COL19A1: variants seen among roughly 807,000 people sequenced by gnomAD.
COL19A1 encodes the protein collagen type XIX alpha 1 chain.
In COL19A1, 159 loss-of-function variants were observed where a neutral mutation model predicts 190.2. The observed-to-expected ratio is 0.84, with a 90% CI of 0.73 to 0.95. The LOEUF is 0.95. COL19A1 is among the 40% of genes least tolerant of loss of function. The pLI is 0.00. For synonymous variants in COL19A1, 509 were observed against 458.9 expected, an observed-to-expected ratio of 1.11 and a Z score of -1.39; for missense variants, 1,418 against 1,431.9, an observed-to-expected ratio of 0.99 and a Z score of 0.16.
At chr6:70,144,630 GA>G in intron 24 of COL19A1, among the ~76,000 whole-genome samples, 1 of 152,254 alleles carries the variant, frequency 6.6e-6, no homozygotes, top group Admixed American at 6.5e-5. Flanking sequence ...AAAACATAAA[GA>G]TCGTCTATAG....
chr6:70,161,271 T>A (rs578186198), intron 34 of COL19A1, among the ~76,000 whole-genome samples: 2 of 152,300 alleles, frequency 1.3e-5, no homozygotes, highest in South Asian at 4.1e-4. Context: ...GAATGGAGCT[T>A]AAGTGTAATC....
chr6:70,064,274 C>T (rs935922626), intron 14 of COL19A1, among the ~76,000 whole-genome samples: 1 of 152,152 alleles, frequency 6.6e-6, no homozygotes, highest in African/African-American at 2.4e-5. Flanking sequence ...AAAAGCTTAT[C>T]CACCATGATC....
At chr6:70,157,451 T>C (rs940866638) in intron 34 of COL19A1, among the ~76,000 whole-genome samples, 10 of 152,166 alleles carry the variant, frequency 6.6e-5, no homozygotes, top group African/African-American at 2.4e-4. Context: ...TACTAATTCT[T>C]AATGAAAGTA....
At chr6:70,206,226 C>G (rs1767839010) in intron 49 of COL19A1, among the ~76,000 whole-genome samples, 1 of 152,170 alleles carries the variant, frequency 6.6e-6, no homozygotes, top group Admixed American at 6.5e-5. Flanking sequence ...TATACCTTGC[C>G]TTCAATCAGA....
chr6:69,937,921 C>G, intron 8 of COL19A1, 117 bp from the exon 9 acceptor site: 1 of 873,982 alleles, frequency 1.1e-6, no homozygotes, highest in African/African-American at 1.7e-5. Context: ...CTCTAAGCAT[C>G]AGCTCAGAGG....
At chr6:69,943,188 G>A (rs1315246308) in intron 9 of COL19A1, among the ~76,000 whole-genome samples, 1 of 151,978 alleles carries the variant, frequency 6.6e-6, no homozygotes, top group African/African-American at 2.4e-5. Context: ...CCATTTGTAT[G>A]TCTTCTTTTG....
intron 16 of COL19A1, among the ~76,000 whole-genome samples, chr6:70,116,813 T>G (rs945817659): frequency 6.6e-6 from 1 of 152,138 alleles, no homozygotes; most frequent in Non-Finnish European, 1.5e-5. Flanking sequence ...TTGAAGAGAG[T>G]TGGTTAGTAC....
chr6:69,954,857 T>G (rs1170991154), intron 9 of COL19A1, among the ~76,000 whole-genome samples: 1 of 152,110 alleles, frequency 6.6e-6, no homozygotes, highest in Non-Finnish European at 1.5e-5. Flanking sequence ...CCAGTAGAAG[T>G]AATTGATATG....
intron 4 of COL19A1, among the ~76,000 whole-genome samples, chr6:69,925,020 T>C (rs557077769): frequency 1.3e-5 from 2 of 152,338 alleles, no homozygotes; most frequent in Admixed American, 1.3e-4. Context: ...AAAAATTTTC[T>C]CTGATTCTGT....
Position 70,117,633 on chromosome 6 carries a change from C to G in COL19A1, c.1279-4247C>G, listed in dbSNP as rs574874087. 6.6e-5 allele frequency among the ~76,000 whole-genome samples: 10 copies of G among 152,318 alleles called. No homozygotes were observed. In the East Asian group the frequency reaches 1.9e-3, roughly 29 times the overall value. Reference sequence around the variant, plus strand: ...CTATCCACACCAGGTTTATAGGCCTCTCAGATAATTATGAATCAGTACAGT... The same window carrying G: ...CTATCCACACCAGGTTTATAGGCCTGTCAGATAATTATGAATCAGTACAGT... On this transcript the variant is annotated intron_variant, in intron 16 of 50. Transcript: ENST00000620364.
intron 14 of COL19A1, among the ~76,000 whole-genome samples, chr6:70,063,185 TC>T (rs1478539836): frequency 2.0e-5 from 3 of 152,180 alleles, no homozygotes; most frequent in Non-Finnish European, 4.4e-5. Context: ...TACATTTTTT[TC>T]AGCACCACAC....
At chr6:69,874,468 G>A (rs868080693) in intron 1 of COL19A1, among the ~76,000 whole-genome samples, 3 of 152,276 alleles carry the variant, frequency 2.0e-5, no homozygotes, top group Admixed American at 6.5e-5. Context: ...AATGTGCAGA[G>A]AGGCTGGGTG....
At chr6:70,058,474 TG>T (rs1274123921) in intron 14 of COL19A1, among the ~76,000 whole-genome samples, 1 of 152,074 alleles carries the variant, frequency 6.6e-6, no homozygotes, top group Non-Finnish European at 1.5e-5. Flanking sequence ...CTCTTATCAG[TG>T]CTTCCGGGGA....
At chr6:69,928,779 AC>A (rs1020495141) in intron 5 of COL19A1, among the ~76,000 whole-genome samples, 2 of 152,094 alleles carry the variant, frequency 1.3e-5, no homozygotes, top group Non-Finnish European at 2.9e-5. Flanking sequence ...GGGGAGAGGA[AC>A]CTCAAAATTA....
intron 15 of COL19A1, among the ~76,000 whole-genome samples, chr6:70,095,257 CAT>C (rs1783178621): frequency 6.6e-6 from 1 of 152,090 alleles, no homozygotes; most frequent in Admixed American, 6.6e-5. Flanking sequence ...GAATAAACCA[CAT>C]TTTTTTTATT....
intron 15 of COL19A1, among the ~76,000 whole-genome samples, chr6:70,097,198 C>T (rs1282038279): frequency 6.6e-6 from 1 of 152,040 alleles, no homozygotes; most frequent in African/African-American, 2.4e-5. Context: ...GCAAGTCATC[C>T]TGGAAGCATC....
intron 13 of COL19A1, 40 bp downstream of exon 13, chr6:70,034,338 A>C: frequency 2.0e-6 from 3 of 1,503,356 alleles, no homozygotes; most frequent in Non-Finnish European, 2.8e-6. Flanking sequence ...TTTCTTTAAG[A>C]AAACTCTGAC....
chr6:69,997,529 A>G (rs1341341292), intron 11 of COL19A1, among the ~76,000 whole-genome samples: 2 of 152,212 alleles, frequency 1.3e-5, no homozygotes, highest in Non-Finnish European at 2.9e-5. Context: ...ACTCAATCTC[A>G]GTAGAGAAAC....
At chr6:69,916,306 TG>T (rs1771302951) in intron 4 of COL19A1, among the ~76,000 whole-genome samples, 1 of 152,070 alleles carries the variant, frequency 6.6e-6, no homozygotes, top group Non-Finnish European at 1.5e-5. Flanking sequence ...AACAAAACTG[TG>T]CATGCTGCAC....
Sources: allele counts gnomAD v4.1 joint callset (sites outside exome capture counted in the v4.1 genomes callset), GRCh38; gene constraint gnomAD v4.1.1; transcripts MANE v1.5; gene names NCBI Gene and HGNC (gene_info 2026-07-23, HGNC 2026-07-21).